Variants in DOCK5 observed in about 807,000 individuals in gnomAD.
The protein encoded by DOCK5 is dedicator of cytokinesis 5.
Under a neutral mutation model 251.8 loss-of-function variants are expected in DOCK5, and 142 were observed. That is an observed-to-expected ratio of 0.56 (90% CI 0.49 to 0.65). The LOEUF (loss-of-function observed/expected upper bound fraction) is 0.65, where lower values mean the gene tolerates loss of function less well. Among genes scored for constraint, DOCK5 ranks in the 30% least tolerant of loss-of-function variants. The pLI, the probability that DOCK5 is intolerant of heterozygous loss-of-function variation, is 0.00. For missense variants in DOCK5, 2,111 were observed against 2,312.3 expected (o/e 0.91, Z 1.79); for synonymous variants, 842 against 835.5 (o/e 1.01, Z -0.13).
chr8:25,221,101 A>G (rs74674831), intron 1 of DOCK5, among the ~76,000 whole-genome samples: 18 of 151,888 alleles, frequency 1.2e-4, no homozygotes, highest in Non-Finnish European at 2.5e-4. Flanking sequence ...CTTTATTTCT[A>G]CAGTTCATTT....
In DOCK5 at chr8:25,300,432, C is replaced by A. The variant is rs533599003; in HGVS notation, c.765-144C>A. Reference sequence around the variant, plus strand: ...CCATCTGTGTGGTCCCAGTTCCCAACTCAGCTGTTTTCACACCGGCCTGTT... The same window carrying A: ...CCATCTGTGTGGTCCCAGTTCCCAAATCAGCTGTTTTCACACCGGCCTGTT... On this transcript the variant is annotated intron_variant, in intron 8 of 51. Coordinates refer to ENST00000276440, the MANE Select transcript of DOCK5 (RefSeq NM_024940.8). 1.5e-4 allele frequency: 98 copies of A among 674,166 alleles called. No homozygotes were observed. In the African/African-American group the frequency reaches 1.6e-3, roughly 11 times the overall value. 41.8% of individuals were successfully genotyped at this position (674,166 alleles called of 1,614,324 possible). A position where few individuals can be genotyped will look rare whatever the true frequency, so the allele number is the denominator to read the frequency against.
intron 12 of DOCK5, among the ~76,000 whole-genome samples, 161 bp from the exon 13 acceptor site, chr8:25,310,246 T>A (rs1269048808): frequency 6.6e-6 from 1 of 152,172 alleles, no homozygotes; most frequent in Non-Finnish European, 1.5e-5. Context: ...CCTGTTGTGA[T>A]TTTAATGGAA....
intron 2 of DOCK5, among the ~76,000 whole-genome samples, chr8:25,266,945 A>G (rs1803769728): frequency 6.6e-6 from 1 of 152,224 alleles, no homozygotes. Flanking sequence ...TTCTTCTTTG[A>G]AAGTGGAATG....
chr8:25,390,165 C>T (rs768952245), intron 41 of DOCK5, 41 bp from the exon 42 acceptor site: 27 of 1,530,014 alleles, frequency 1.8e-5, no homozygotes, highest in Non-Finnish European at 2.3e-5. Context: ...CTGACACCTT[C>T]ACGACCCCAG....
rs760823537 is a variant in DOCK5, at chr8:25,292,045, C to T, written c.343C>T (p.Arg115Cys). Residue 115 changes from arginine to cysteine, a missense_variant, in exon 6 of 52, where the codon CGC (arginine) becomes TGC (cysteine). By Grantham distance (180) the Arg-to-Cys change is radical. Coordinates refer to ENST00000276440, the MANE Select transcript of DOCK5 (RefSeq NM_024940.8). The stretch of plus-strand genomic sequence containing the variant: ...TTAGAACAACAAGCTCACCCTCTTC[C>T]GCCAGCTGCAGCAGATGACGTACAG... ...LYVNNKLTLF[R>C]QLQQMTYSLI... is the part of the protein sequence containing the mutation. 1.3e-5 allele frequency: 20 copies of T among 1,599,716 alleles called. No individual in the cohort carries two copies. The highest frequency in any genetic ancestry group is 4.0e-5 in the African/African-American group (3 of 74,510).
intron 14 of DOCK5, among the ~76,000 whole-genome samples, chr8:25,318,592 C>CTTT (rs546657586): frequency 1.1e-5 from 1 of 88,246 alleles, no homozygotes. Flanking sequence ...TTCTTTCCTT[C>CTTT]TTTTTTTTTT....
At chr8:25,400,343 A>G (rs993475135) in intron 46 of DOCK5, among the ~76,000 whole-genome samples, 1 of 151,842 alleles carries the variant, frequency 6.6e-6, no homozygotes, top group African/African-American at 2.4e-5. Flanking sequence ...TACTAAAACT[A>G]CAAAATTAGC....
At chr8:25,194,847 T>G (rs1801678998) in intron 1 of DOCK5, among the ~76,000 whole-genome samples, 1 of 152,122 alleles carries the variant, frequency 6.6e-6, no homozygotes, top group Non-Finnish European at 1.5e-5. Flanking sequence ...AAATATGTCC[T>G]CAGATTACTG....
chr8:25,353,351 TAAAAC>T (rs200795415), intron 27 of DOCK5, among the ~76,000 whole-genome samples: 29 of 151,884 alleles, frequency 1.9e-4, no homozygotes, highest in African/African-American at 4.1e-4. Context: ...AAATATAAAA[TAAAAC>T]AAAATAAAAT....
At chr8:25,310,256 A>T in intron 12 of DOCK5, 151 bp from the exon 13 acceptor site, 1 of 694,150 alleles carries the variant, frequency 1.4e-6, no homozygotes, top group Non-Finnish European at 2.2e-6. Context: ...TTTTAATGGA[A>T]GTGTCATTAA....
At chr8:25,331,889 T>A (rs1805692478) in intron 18 of DOCK5, among the ~76,000 whole-genome samples, 1 of 149,900 alleles carries the variant, frequency 6.7e-6, no homozygotes, top group Admixed American at 6.7e-5. Flanking sequence ...CACCCAGACA[T>A]AGGTAGTGAT....
chr8:25,296,396 G>C (rs1249521915), intron 6 of DOCK5, 117 bp from the exon 7 acceptor site: 4 of 1,335,538 alleles, frequency 3.0e-6, no homozygotes, highest in Non-Finnish European at 4.0e-6. Context: ...TGCTTCCCTG[G>C]GCTTGTCCAG....
At chr8:25,376,398 G>A (rs1800964237) in intron 37 of DOCK5, 6 of 982,934 alleles carry the variant, frequency 6.1e-6, no homozygotes, top group Admixed American at 6.2e-5. Context: ...CTTATTTTGG[G>A]GGGAGGGAAT....
chr8:25,224,211 C>T (rs1216947993), intron 1 of DOCK5, among the ~76,000 whole-genome samples: 2 of 152,106 alleles, frequency 1.3e-5, no homozygotes, highest in East Asian at 1.9e-4. Context: ...CTCCGCCTCC[C>T]GAGTTCAAGT....
intron 48 of DOCK5, among the ~76,000 whole-genome samples, chr8:25,404,995 A>G (rs1359280989): frequency 6.6e-6 from 1 of 152,012 alleles, no homozygotes; most frequent in Non-Finnish European, 1.5e-5. Flanking sequence ...CCTGAAGTTG[A>G]ACATCTTTTC....
At chr8:25,193,342 T>A (rs1257356763) in intron 1 of DOCK5, among the ~76,000 whole-genome samples, 1 of 152,118 alleles carries the variant, frequency 6.6e-6, no homozygotes, top group Non-Finnish European at 1.5e-5. Flanking sequence ...ATGAAGAAAC[T>A]TATCTAACGT....
intron 1 of DOCK5, among the ~76,000 whole-genome samples, chr8:25,234,024 A>T (rs1802735174): frequency 6.6e-6 from 1 of 152,240 alleles, no homozygotes; most frequent in South Asian, 2.1e-4. Flanking sequence ...TCCAGAGGTT[A>T]AAGGAGTCAG....
At chr8:25,336,504 G>A in intron 22 of DOCK5, 131 bp downstream of exon 22, 7 of 1,239,210 alleles carry the variant, frequency 5.6e-6, no homozygotes, top group Non-Finnish European at 7.7e-6. Context: ...CAGAACTGCA[G>A]GGCTGAAGAT....
chr8:25,351,397 A>C (rs1047641581), intron 26 of DOCK5: 1 of 280,148 alleles, frequency 3.6e-6, no homozygotes, highest in Non-Finnish European at 6.9e-6. Context: ...TCAGAACAGA[A>C]TACGTCATGC....
Sources: gnomAD v4.1 joint callset for allele counts (sites outside exome capture counted in the v4.1 genomes callset) on GRCh38, gnomAD v4.1.1 for gene constraint, MANE v1.5 for transcripts, NCBI Gene and HGNC (gene_info 2026-07-23, HGNC 2026-07-21) for gene names.